Variants in NLGN1 observed in about 807,000 individuals in gnomAD.
NLGN1 encodes neuroligin-1.
A neutral mutation model predicts 65.5 loss-of-function variants in NLGN1; 12 were observed. That is an observed-to-expected ratio of 0.18 (90% CI 0.12 to 0.30). NLGN1 has a LOEUF of 0.30. Ranked by LOEUF, NLGN1 falls within the 10% of genes least tolerant of loss-of-function variation. The pLI, the probability that NLGN1 is intolerant of heterozygous loss-of-function variation, is 1.00. For synonymous variants in NLGN1, 350 were observed against 359.5 expected, an observed-to-expected ratio of 0.97 and a Z score of 0.30; for missense variants, 750 against 1,007.1, an observed-to-expected ratio of 0.74 and a Z score of 3.46.
chr3:174,022,904 A>C (rs9821941), intron 4 of NLGN1, among the ~76,000 whole-genome samples: 40,086 of 151,948 alleles, frequency 0.26, 6,248 homozygotes, highest in African/African-American at 0.43. Flanking sequence ...TTGCTTACAA[A>C]GGTTTATTAA....
chr3:174,108,186 C>T (rs779161456), intron 4 of NLGN1, among the ~76,000 whole-genome samples: 1 of 151,520 alleles, frequency 6.6e-6, no homozygotes, highest in Non-Finnish European at 1.5e-5. Context: ...TGCATTGTAC[C>T]TTTAGTAGTA....
At chr3:174,118,818 T>C (rs1179684361) in intron 4 of NLGN1, among the ~76,000 whole-genome samples, 1 of 152,138 alleles carries the variant, frequency 6.6e-6, no homozygotes, top group Non-Finnish European at 1.5e-5. Flanking sequence ...TGGCCGTGTA[T>C]TACATACTAA....
chr3:173,662,859 GC>G (rs1761134406), intron 3 of NLGN1, among the ~76,000 whole-genome samples: 1 of 151,908 alleles, frequency 6.6e-6, no homozygotes, highest in Non-Finnish European at 1.5e-5. Context: ...AAATTTTCCT[GC>G]CCAAAATGTC....
intron 4 of NLGN1, among the ~76,000 whole-genome samples, chr3:174,185,567 T>C (rs940642641): frequency 6.6e-6 from 1 of 152,278 alleles, no homozygotes; most frequent in Non-Finnish European, 1.5e-5. Flanking sequence ...CCATATACTT[T>C]AGTATAGTCA....
chr3:173,934,415 C>A (rs1340644733), intron 4 of NLGN1, among the ~76,000 whole-genome samples: 1 of 151,328 alleles, frequency 6.6e-6, no homozygotes, highest in African/African-American at 2.4e-5. Flanking sequence ...ATAATGACGT[C>A]AATAGTAAAC....
At chr3:173,995,895 A>G (rs776730243) in intron 4 of NLGN1, among the ~76,000 whole-genome samples, 3 of 152,122 alleles carry the variant, frequency 2.0e-5, no homozygotes, top group Non-Finnish European at 4.4e-5. Context: ...TATGTTGCCC[A>G]GGCTACTCTC....
chr3:173,693,764 A>G (rs1431485992), intron 3 of NLGN1, among the ~76,000 whole-genome samples: 1 of 152,068 alleles, frequency 6.6e-6, no homozygotes, highest in Non-Finnish European at 1.5e-5. Flanking sequence ...AAAGAAGGTT[A>G]ATTTTCTTTA....
At chr3:174,255,666 TA>T (rs1745608015) in intron 4 of NLGN1, among the ~76,000 whole-genome samples, 3 of 150,934 alleles carry the variant, frequency 2.0e-5, no homozygotes, top group African/African-American at 7.3e-5. Flanking sequence ...TTTATTTATT[TA>T]TTTATTTTTG....
chr3:173,766,062 C>T (rs1778740213), intron 3 of NLGN1, among the ~76,000 whole-genome samples: 1 of 151,288 alleles, frequency 6.6e-6, no homozygotes, highest in Non-Finnish European at 1.5e-5. Flanking sequence ...ACGAAAACAC[C>T]TAGAATCTTC....
intron 4 of NLGN1, among the ~76,000 whole-genome samples, chr3:173,885,133 G>T (rs1734094285): frequency 6.6e-6 from 1 of 152,110 alleles, no homozygotes. Flanking sequence ...AGATTCAGTT[G>T]AAATTTCACT....
chr3:174,014,723 G>A (rs933790496), intron 4 of NLGN1, among the ~76,000 whole-genome samples: 11 of 152,128 alleles, frequency 7.2e-5, no homozygotes, highest in Non-Finnish European at 1.2e-4. Context: ...TAGTTAAGAA[G>A]CATTATGTTC....
At chr3:174,165,480 G>C (rs1273887721) in intron 4 of NLGN1, among the ~76,000 whole-genome samples, 1 of 151,966 alleles carries the variant, frequency 6.6e-6, no homozygotes, top group Non-Finnish European at 1.5e-5. Flanking sequence ...TTTTAATTCT[G>C]TTTACATGGT....
At chr3:173,632,665 C>T (rs1203040212) in intron 3 of NLGN1, among the ~76,000 whole-genome samples, 3 of 152,056 alleles carry the variant, frequency 2.0e-5, no homozygotes, top group Non-Finnish European at 4.4e-5. Flanking sequence ...ATTTGCATCA[C>T]TTGAAAATCT....
chr3:173,590,558 A>T (rs918911649), intron 2 of NLGN1, among the ~76,000 whole-genome samples: 1 of 152,166 alleles, frequency 6.6e-6, no homozygotes, highest in Non-Finnish European at 1.5e-5. Flanking sequence ...CGCCTAGAGA[A>T]CAGTACCTGG....
chr3:173,978,700 A>T (rs112642604), intron 4 of NLGN1, among the ~76,000 whole-genome samples: 15 of 151,878 alleles, frequency 9.9e-5, no homozygotes, highest in Non-Finnish European at 1.3e-4. Context: ...ATTCCTGAGA[A>T]TCGAGTAAAA....
In NLGN1 at chr3:174,086,918, T is replaced by A. The variant is rs180695487; in HGVS notation, c.647-188397T>A. Among the ~76,000 whole-genome samples the A allele has an allele frequency of 9.9e-4, 150 of 152,264 alleles. 2 individuals are homozygous for A. Among genetic ancestry groups the A allele is most frequent in the Non-Finnish European group, 1.6e-3 (109 of 68,018 alleles). On this transcript the variant is annotated intron_variant, in intron 4 of 6. Transcript: ENST00000457714. The stretch of plus-strand genomic sequence containing the variant: ...GAATCTTTTAGCATCCAAAATGTAA[T>A]CTGGAAATGTGGTGTAAAATATTTC...
At chr3:173,559,321 G>A (rs1742265521) in intron 2 of NLGN1, among the ~76,000 whole-genome samples, 1 of 152,178 alleles carries the variant, frequency 6.6e-6, no homozygotes, top group African/African-American at 2.4e-5. Context: ...TACCTACTCT[G>A]CGCTGTCTAA....
chr3:173,810,519 T>C (rs1240057685), intron 4 of NLGN1, among the ~76,000 whole-genome samples: 2 of 152,204 alleles, frequency 1.3e-5, no homozygotes, highest in African/African-American at 2.4e-5. Flanking sequence ...TACAAGATCA[T>C]TGATTTGAGG....
intron 4 of NLGN1, among the ~76,000 whole-genome samples, chr3:174,264,324 C>G (rs201138690): frequency 2.0e-5 from 3 of 148,224 alleles, no homozygotes; most frequent in Non-Finnish European, 3.0e-5. Context: ...GTACACCAAT[C>G]AGACGTAGAT....
Sources: allele counts gnomAD v4.1 joint callset (sites outside exome capture counted in the v4.1 genomes callset), GRCh38; gene constraint gnomAD v4.1.1; transcripts MANE v1.5; gene names NCBI Gene and HGNC (gene_info 2026-07-23, HGNC 2026-07-21).